PALLD: variants seen among roughly 807,000 people sequenced by gnomAD.
PALLD encodes the protein palladin.
In PALLD, 61 loss-of-function variants were observed where a neutral mutation model predicts 123.5. The ratio of observed to expected loss-of-function variants is 0.49; its 90% CI spans 0.40 to 0.61. The LOEUF (loss-of-function observed/expected upper bound fraction) is 0.61. PALLD is among the 20% of genes least tolerant of loss of function. PALLD has a pLI of 0.00. For missense variants in PALLD, 1,273 were observed against 1,377.0 expected (o/e 0.92, Z 1.20); for synonymous variants, 465 against 496.4 (o/e 0.94, Z 0.84).
intron 15 of PALLD, among the ~76,000 whole-genome samples, chr4:168,905,803 T>C (rs905155264): frequency 3.4e-5 from 5 of 145,822 alleles, no homozygotes; most frequent in African/African-American, 1.3e-4. Flanking sequence ...TTTTTTTTTT[T>C]TTTTTTTCTT....
Position 168,501,807 on chromosome 4 carries a change from C to A in PALLD, c.-83+4613C>A, listed in dbSNP as rs9917877. Reference sequence around the variant, plus strand: ...CACCCTCCCCGCCAAGGGTGTGCCCCCCAAAACAACAGTGGTCTGTAGATG... The same window carrying A: ...CACCCTCCCCGCCAAGGGTGTGCCCACCAAAACAACAGTGGTCTGTAGATG... On this transcript the variant is annotated intron_variant, in intron 1 of 21. Coordinates refer to ENST00000505667, the MANE Select transcript of PALLD (RefSeq NM_001166108.2). Among the ~76,000 whole-genome samples the A allele has an allele frequency of 4.5e-3, 678 of 152,286 alleles. 3 individuals are homozygous for A. The highest frequency in any genetic ancestry group is 0.016 in the African/African-American group (646 of 41,552).
chr4:168,636,829 C>T (rs1005599061), intron 2 of PALLD, among the ~76,000 whole-genome samples: 4 of 152,194 alleles, frequency 2.6e-5, no homozygotes, highest in Non-Finnish European at 4.4e-5. Context: ...GAGAAAGAAA[C>T]GAGGAGCTAC....
intron 2 of PALLD, among the ~76,000 whole-genome samples, chr4:168,529,376 G>A (rs1764385276): frequency 6.6e-6 from 1 of 151,814 alleles, no homozygotes; most frequent in Non-Finnish European, 1.5e-5. Flanking sequence ...TTCAAAATCT[G>A]ACTCCCTCCC....
At chr4:168,847,666 TTTAA>T (rs889302363) in intron 10 of PALLD, among the ~76,000 whole-genome samples, 131 of 152,320 alleles carry the variant, frequency 8.6e-4, no homozygotes, top group African/African-American at 2.8e-3. Flanking sequence ...CACTTTATTT[TTTAA>T]TTAATATTTT....
intron 2 of PALLD, among the ~76,000 whole-genome samples, chr4:168,558,848 C>G (rs1213798458): frequency 6.6e-6 from 1 of 152,150 alleles, no homozygotes; most frequent in African/African-American, 2.4e-5. Flanking sequence ...CCAAAGGAAG[C>G]AATAATGATT....
At chr4:168,899,911 C>A (rs1294814449) in intron 14 of PALLD, among the ~76,000 whole-genome samples, 1 of 150,796 alleles carries the variant, frequency 6.6e-6, no homozygotes, top group Non-Finnish European at 1.5e-5. Flanking sequence ...CAGTGAGACT[C>A]CGTCTCAAAA....
At chr4:168,571,945 G>C (rs1395343844) in intron 2 of PALLD, among the ~76,000 whole-genome samples, 1 of 152,128 alleles carries the variant, frequency 6.6e-6, no homozygotes, top group African/African-American at 2.4e-5. Context: ...ATCAGTGCCA[G>C]GCCGGGCATG....
rs1032823844 is a variant in PALLD at position 168,676,013 on chromosome 4, C to A, written c.1088-5319C>A. On this transcript the variant is annotated intron_variant, in intron 3 of 21. Transcript: ENST00000505667. ...CAAGGCAGAAGTAGCTGGGATGGCACCACCGCACTCCAGCTTGGGTGACAG... is the reference window on the plus strand; with the variant it reads ...CAAGGCAGAAGTAGCTGGGATGGCAACACCGCACTCCAGCTTGGGTGACAG... Among the ~76,000 whole-genome samples the A allele has an allele frequency of 2.2e-4, 33 of 152,128 alleles. 3 individuals are homozygous for A. The highest frequency in any genetic ancestry group is 6.5e-5 in the Admixed American group (1 of 15,272).
At chr4:168,667,599 T>G (rs971567978) in intron 2 of PALLD, among the ~76,000 whole-genome samples, 1 of 152,190 alleles carries the variant, frequency 6.6e-6, no homozygotes, top group Non-Finnish European at 1.5e-5. Flanking sequence ...CGAGCAAGAA[T>G]GAATTACAGC....
intron 10 of PALLD, among the ~76,000 whole-genome samples, chr4:168,822,494 G>T (rs1293543100): frequency 2.0e-5 from 3 of 152,224 alleles, no homozygotes; most frequent in African/African-American, 7.2e-5. Flanking sequence ...TGAATGAGAA[G>T]TTGGAATCAC....
chr4:168,721,357 T>C (rs981745231), intron 10 of PALLD, among the ~76,000 whole-genome samples: 2 of 152,110 alleles, frequency 1.3e-5, no homozygotes, highest in Admixed American at 6.6e-5. Flanking sequence ...AATATGCTCA[T>C]AGATAAAGCT....
At chr4:168,825,487 C>T (rs535723351) in intron 10 of PALLD, among the ~76,000 whole-genome samples, 4 of 152,222 alleles carry the variant, frequency 2.6e-5, no homozygotes, top group East Asian at 1.9e-4. Flanking sequence ...GTTTATTTGA[C>T]GCAGAAGATT....
chr4:168,624,382 A>T (rs1438346902), intron 2 of PALLD, among the ~76,000 whole-genome samples: 1 of 152,168 alleles, frequency 6.6e-6, no homozygotes, highest in African/African-American at 2.4e-5. Flanking sequence ...AAAAGTCAAT[A>T]CTCACACCTG....
intron 2 of PALLD, among the ~76,000 whole-genome samples, chr4:168,544,584 T>G: frequency 6.6e-6 from 1 of 152,264 alleles, no homozygotes; most frequent in East Asian, 1.9e-4. Context: ...TAAGATTATA[T>G]GACTTTTAAA....
chr4:168,656,402 G>T (rs557932093), intron 2 of PALLD, among the ~76,000 whole-genome samples: 7 of 151,932 alleles, frequency 4.6e-5, no homozygotes, highest in African/African-American at 1.7e-4. Context: ...GCTAACAAGT[G>T]TAACTTGAGA....
At chr4:168,677,087 A>G (rs534388070) in intron 3 of PALLD, among the ~76,000 whole-genome samples, 1 of 152,320 alleles carries the variant, frequency 6.6e-6, no homozygotes, top group South Asian at 2.1e-4. Flanking sequence ...TAGAACATGT[A>G]ACTCTTTCAG....
chr4:168,779,520 CAT>C (rs1490198031), intron 10 of PALLD, among the ~76,000 whole-genome samples: 14 of 150,832 alleles, frequency 9.3e-5, no homozygotes, highest in Non-Finnish European at 1.8e-4. Flanking sequence ...TATAAAATAT[CAT>C]ATATATACAC....
At chr4:168,902,690 A>G (rs906992897) in intron 14 of PALLD, among the ~76,000 whole-genome samples, 1 of 152,200 alleles carries the variant, frequency 6.6e-6, no homozygotes, top group African/African-American at 2.4e-5. Context: ...TCCATGGACA[A>G]CTGGTTTTGT....
At position 168,867,607 on chromosome 4, in the gene PALLD, T is replaced by C. The variant is rs569092772; in HGVS notation, c.1965-23315T>C. 2.0e-5 allele frequency among the ~76,000 whole-genome samples: 3 copies of C among 152,332 alleles called. No individual in the cohort carries two copies. The South Asian group carries it at 6.2e-4, about 32-fold the overall frequency. ...TCTTACTTTCCAGAGGTGAACACTTTAGACTATTTGTTTTTAGCCCTTCTG... is the reference window on the plus strand; with the variant it reads ...TCTTACTTTCCAGAGGTGAACACTTCAGACTATTTGTTTTTAGCCCTTCTG... On this transcript the variant is annotated intron_variant, in intron 10 of 21. Transcript: ENST00000505667.
Sources: allele counts gnomAD v4.1 joint callset (sites outside exome capture counted in the v4.1 genomes callset), GRCh38; gene constraint gnomAD v4.1.1; transcripts MANE v1.5; gene names NCBI Gene and HGNC (gene_info 2026-07-23, HGNC 2026-07-21).